Variants in ZFHX3 observed in about 807,000 individuals in gnomAD.
The protein encoded by ZFHX3 is zinc finger homeobox protein 3.
Under a neutral mutation model 279.1 loss-of-function variants are expected in ZFHX3, and 42 were observed. The ratio of observed to expected loss-of-function variants is 0.15; its 90% confidence interval spans 0.12 to 0.19. The LOEUF (loss-of-function observed/expected upper bound fraction) is 0.19, where lower values mean the gene tolerates loss of function less well. Among genes scored for constraint, ZFHX3 ranks in the 10% least tolerant of loss-of-function variants. The probability of loss-of-function intolerance (pLI) is 1.00; values close to 1 mark genes in which losing one functional copy is unlikely to be tolerated. For synonymous variants in ZFHX3, 2,293 were observed against 1,957.8 expected (o/e 1.17, Z -4.52); for missense variants, 4,981 against 4,754.0 (o/e 1.05, Z -1.40).
At chr16:72,982,250 T>C (rs1485746151) in intron 1 of ZFHX3, among the ~76,000 whole-genome samples, 1 of 152,164 alleles carries the variant, frequency 6.6e-6, no homozygotes, top group Non-Finnish European at 1.5e-5. Flanking sequence ...GGGAATCATA[T>C]TTTCGATTTT....
chr16:73,188,330 G>A (rs995102155), intron 5 of ZFHX3, among the ~76,000 whole-genome samples: 1 of 152,194 alleles, frequency 6.6e-6, no homozygotes, highest in Non-Finnish European at 1.5e-5. Context: ...AAAGCACTGC[G>A]ATTACAGGCA....
intron 3 of ZFHX3, among the ~76,000 whole-genome samples, chr16:73,409,574 G>A (rs1009608214): frequency 2.0e-5 from 3 of 152,140 alleles, no homozygotes; most frequent in African/African-American, 7.2e-5. Context: ...TTCAAAACGC[G>A]AAAAATAGAG....
chr16:72,787,724 C>A lies in ZFHX3; in HGVS notation c.10552G>T (p.Gly3518Cys), dbSNP rs937833310. The A allele has an allele frequency of 1.4e-6, 2 of 1,394,240 alleles. No homozygotes were observed. The highest frequency in any genetic ancestry group is 9.3e-7 in the Non-Finnish European group (1 of 1,069,650). 86.4% of individuals were successfully genotyped at this position (1,394,240 alleles called of 1,614,324 possible). The part of the protein sequence containing the change: ...GGGGGSGGGG[G>C]GGGGGGGGGS... The stretch of plus-strand genomic sequence containing the variant: ...CCGCCGCCGCCGCCGCCGCCACCGC[C>A]GCCGCCGCCGCCACTGCCACCGCCG... Residue 3518 changes from glycine (G) to cysteine (C), a missense_variant, in exon 10 of 10, where the codon GGC becomes TGC. Physicochemically the swap from Gly to Cys is radical, Grantham distance 159. Transcript: ENST00000268489.
At chr16:73,505,912 T>C (rs1455042476) in intron 2 of ZFHX3, among the ~76,000 whole-genome samples, 2 of 152,244 alleles carry the variant, frequency 1.3e-5, no homozygotes, top group Admixed American at 6.5e-5. Flanking sequence ...ATTTTGCCCT[T>C]GGACATTCTC....
chr16:73,352,778 G>C (rs1258798472), intron 3 of ZFHX3, among the ~76,000 whole-genome samples: 1 of 152,056 alleles, frequency 6.6e-6, no homozygotes, highest in Non-Finnish European at 1.5e-5. Context: ...CCACTTACAG[G>C]GTAGTACAAG....
At position 73,275,428 on chromosome 16, in the gene ZFHX3, G is replaced by C. The variant is rs1177086523; in HGVS notation, c.-1193-18292C>G. On this transcript the variant is annotated intron_variant, in intron 4 of 17. Transcript: ENST00000641206. ...GGGTGGTCATGACTGCTGGGGCTCA[G>C]GGGACAAGATCACATGGTCGTCTTT... Among the ~76,000 whole-genome samples, 4 of 98,876 alleles carry C rather than the reference G, an allele frequency of 4.0e-5. No homozygotes were observed. The East Asian group carries it at 8.8e-4, about 22-fold the overall frequency. The allele number at this position is 98,876 out of a possible 152,430, so 64.9% of individuals were successfully genotyped here.
chr16:73,498,032 T>A (rs1404645104), intron 2 of ZFHX3, among the ~76,000 whole-genome samples: 1 of 152,236 alleles, frequency 6.6e-6, no homozygotes, highest in East Asian at 1.9e-4. Flanking sequence ...TGTAAAATAA[T>A]ACATCTGTGC....
chr16:73,411,296 A>G (rs1353764901), intron 3 of ZFHX3, among the ~76,000 whole-genome samples: 4 of 152,228 alleles, frequency 2.6e-5, no homozygotes, highest in Non-Finnish European at 5.9e-5. Flanking sequence ...ATTAAATTTT[A>G]TAGGAGATTT....
chr16:73,778,406 C>T (rs1959337623), intron 1 of ZFHX3, among the ~76,000 whole-genome samples: 1 of 152,178 alleles, frequency 6.6e-6, no homozygotes, highest in South Asian at 2.1e-4. Flanking sequence ...AATTACCTTA[C>T]CTTGTCTACA....
chr16:73,038,574 T>G (rs2144695119), intron 1 of ZFHX3, among the ~76,000 whole-genome samples: 1 of 152,212 alleles, frequency 6.6e-6, no homozygotes, highest in East Asian at 1.9e-4. Context: ...CATGGTGAAA[T>G]CGTGGGTTGC....
chr16:73,253,053 G>A (rs550260680), intron 5 of ZFHX3, among the ~76,000 whole-genome samples: 149 of 152,294 alleles, frequency 9.8e-4, no homozygotes, highest in Non-Finnish European at 1.7e-3. Context: ...AGGTCATGCT[G>A]CTCCCAGGCT....
At chr16:72,791,875 ACAC>A (rs2143354861) in intron 9 of ZFHX3, among the ~76,000 whole-genome samples, 1 of 152,342 alleles carries the variant, frequency 6.6e-6, no homozygotes, top group Admixed American at 6.5e-5. Flanking sequence ...GTTTGGTAAA[ACAC>A]CACTCAAAGT....
chr16:73,850,820 T>C (rs1961575802), intron 1 of ZFHX3, among the ~76,000 whole-genome samples: 1 of 152,104 alleles, frequency 6.6e-6, no homozygotes, highest in South Asian at 2.1e-4. Flanking sequence ...GAGCAGCTGC[T>C]TCCTCAGGGT....
In ZFHX3 at chr16:73,435,065, ACTGGCTGGCTGG is replaced by A. The variant is rs752512316; in HGVS notation, c.-1291+20926_-1291+20937del. Among the ~76,000 whole-genome samples the A allele has an allele frequency of 5.3e-5, 8 of 152,068 alleles. No individual in the cohort carries two copies. The East Asian group carries it at 7.7e-4, about 15-fold the overall frequency. Reference sequence around the variant, plus strand: ...TGGAATCATCCTCATTATTGTTTGAACTGGCTGGCTGGCTGGCTGGCTGGCATTGTGTTCAGC... The same window carrying A: ...TGGAATCATCCTCATTATTGTTTGAACTGGCTGGCTGGCATTGTGTTCAGC... On this transcript the variant is annotated intron_variant, in intron 3 of 17. Coordinates refer to the ZFHX3 transcript ENST00000641206.
At chr16:73,726,498 G>T (rs1271414496) in intron 1 of ZFHX3, among the ~76,000 whole-genome samples, 5 of 152,170 alleles carry the variant, frequency 3.3e-5, no homozygotes, top group Non-Finnish European at 4.4e-5. Context: ...AAAGCTATCT[G>T]TAGTAGTCCG....
intron 5 of ZFHX3, chr16:72,829,412 T>TA: frequency 1.5e-5 from 3 of 205,600 alleles, no homozygotes; most frequent in Admixed American, 5.2e-5. Context: ...CGACTGGACC[T>TA]TCAATAGAGG....
intron 5 of ZFHX3, among the ~76,000 whole-genome samples, chr16:73,192,629 T>C (rs879717956): frequency 6.6e-6 from 1 of 152,200 alleles, no homozygotes; most frequent in Non-Finnish European, 1.5e-5. Context: ...GGCTCCTCTG[T>C]GCTAGGTCCA....
chr16:73,477,928 C>T (rs951946315), intron 2 of ZFHX3, among the ~76,000 whole-genome samples: 1 of 152,162 alleles, frequency 6.6e-6, no homozygotes, highest in South Asian at 2.1e-4. Flanking sequence ...CTCTCTCTAC[C>T]TACCCCTCCT....
chr16:73,136,725 C>CA (rs397855836), intron 6 of ZFHX3, among the ~76,000 whole-genome samples: 4,911 of 41,456 alleles, frequency 0.12, 418 homozygotes, highest in Non-Finnish European at 0.14. Flanking sequence ...GACTCTGCCT[C>CA]AAAAAAAAAA....
Sources: allele counts gnomAD v4.1 joint callset (sites outside exome capture counted in the v4.1 genomes callset), GRCh38; gene constraint gnomAD v4.1.1; transcripts MANE v1.5; gene names NCBI Gene and HGNC (gene_info 2026-07-23, HGNC 2026-07-21).